Variants in COL26A1 observed in about 807,000 individuals in gnomAD.
COL26A1 encodes collagen type XXVI alpha 1 chain.
In COL26A1, 41 loss-of-function variants were observed where a neutral mutation model predicts 59.3. The observed-to-expected ratio is 0.69, with a 90% CI of 0.54 to 0.90. The LOEUF (loss-of-function observed/expected upper bound fraction) is 0.90, where lower values mean the gene tolerates loss of function less well. Ranked by LOEUF, COL26A1 falls within the 40% of genes least tolerant of loss-of-function variation. The probability of loss-of-function intolerance (pLI) is 0.00; values close to 1 mark genes in which losing one functional copy is unlikely to be tolerated. For synonymous variants in COL26A1, 266 were observed against 256.0 expected (o/e 1.04, Z -0.37); for missense variants, 612 against 602.3 (o/e 1.02, Z -0.17).
intron 3 of COL26A1, among the ~76,000 whole-genome samples, chr7:101,473,444 G>A (rs1337074516): frequency 2.0e-5 from 3 of 150,874 alleles, no homozygotes; most frequent in Admixed American, 6.7e-5. Flanking sequence ...AAACACTGGG[G>A]CTTGGCACCA....
intron 3 of COL26A1, among the ~76,000 whole-genome samples, chr7:101,511,835 C>T (rs961752808): frequency 6.6e-6 from 1 of 151,770 alleles, no homozygotes; most frequent in African/African-American, 2.4e-5. Flanking sequence ...TCTACAAAAC[C>T]CCCCAAAATT....
chr7:101,543,749 C>T (rs545689931), intron 5 of COL26A1, among the ~76,000 whole-genome samples: 1 of 152,228 alleles, frequency 6.6e-6, no homozygotes. Context: ...TCCTGAGCCT[C>T]AGTTTCCCCA....
chr7:101,386,186 T>G (rs1173783286), intron 1 of COL26A1, among the ~76,000 whole-genome samples: 1 of 151,230 alleles, frequency 6.6e-6, no homozygotes, highest in Non-Finnish European at 1.5e-5. Flanking sequence ...TTGGCCAGAC[T>G]GCATTCTGAA....
chr7:101,456,399 G>C (rs1793473516), intron 3 of COL26A1, among the ~76,000 whole-genome samples: 1 of 151,952 alleles, frequency 6.6e-6, no homozygotes, highest in South Asian at 2.1e-4. Context: ...TTCTGTCTGG[G>C]CGCGGTGTCT....
In COL26A1 at chr7:101,519,054, A is replaced by G. The variant is rs142000718; in HGVS notation, c.386-14028A>G. On this transcript the variant is annotated intron_variant, in intron 3 of 12. Coordinates refer to ENST00000313669, the MANE Select transcript of COL26A1 (RefSeq NM_001278563.3). ...GGTCTATGGAACAGTGTTGCTGATA[A>G]ATTAATATATTAATTTAATCAAACA... 2.5e-3 allele frequency among the ~76,000 whole-genome samples: 384 copies of G among 152,286 alleles called. 1 individual carries two copies. The highest frequency in any genetic ancestry group is 4.8e-3 in the East Asian group (25 of 5,170).
chr7:101,531,504 G>A (rs540943221), intron 3 of COL26A1, among the ~76,000 whole-genome samples: 9 of 152,308 alleles, frequency 5.9e-5, no homozygotes, highest in South Asian at 2.1e-4. Context: ...AAGGTTTTAT[G>A]GAGGAGAAAG....
At chr7:101,496,678 G>A (rs1329381202) in intron 3 of COL26A1, among the ~76,000 whole-genome samples, 1 of 152,126 alleles carries the variant, frequency 6.6e-6, no homozygotes, top group Admixed American at 6.6e-5. Context: ...TTGAGCCCTG[G>A]AGTTTGACAC....
At chr7:101,453,640 G>C (rs1195342400) in intron 3 of COL26A1, among the ~76,000 whole-genome samples, 1 of 152,220 alleles carries the variant, frequency 6.6e-6, no homozygotes, top group Non-Finnish European at 1.5e-5. Flanking sequence ...CTGTGTGCCT[G>C]AGGGTCCTGG....
At position 101,547,162 on chromosome 7, in the gene COL26A1, A is replaced by G. The variant is rs761385666; in HGVS notation, c.863A>G (p.Asp288Gly). The G allele has an allele frequency of 6.3e-7, 1 of 1,593,606 alleles. No individual in the cohort carries two copies. Among genetic ancestry groups the G allele is most frequent in the African/African-American group, 1.3e-5 (1 of 74,192 alleles). Reference sequence around the variant, plus strand: ...CGCTCCGCTCTTCCCACAGATGGAGACTCAAGGCTGGCCTCTGCCATCGTG... The same window carrying G: ...CGCTCCGCTCTTCCCACAGATGGAGGCTCAAGGCTGGCCTCTGCCATCGTG... ...LQPPTDKDNGDSRLASAIVDT... is the reference protein window; with the variant it reads ...LQPPTDKDNGGSRLASAIVDT... The change falls in exon 8 of 13, where the codon GAC becomes GGC. Residue 288 changes from aspartate to glycine, a missense_variant. Coordinates refer to ENST00000313669, the MANE Select transcript of COL26A1 (RefSeq NM_001278563.3).
intron 3 of COL26A1, among the ~76,000 whole-genome samples, chr7:101,485,316 C>G (rs1274197395): frequency 6.6e-6 from 1 of 152,200 alleles, no homozygotes; most frequent in African/African-American, 2.4e-5. Flanking sequence ...TTCCAGCTCA[C>G]CTGCGTGAGG....
chr7:101,492,106 C>G (rs1794473168), intron 3 of COL26A1, among the ~76,000 whole-genome samples: 2 of 152,100 alleles, frequency 1.3e-5, no homozygotes, highest in Admixed American at 1.3e-4. Context: ...CCAGAGGAAG[C>G]CGCTGGTAAG....
chr7:101,454,682 C>T (rs566055922), intron 3 of COL26A1, among the ~76,000 whole-genome samples: 2 of 152,224 alleles, frequency 1.3e-5, no homozygotes, highest in Admixed American at 6.5e-5. Flanking sequence ...TATCCCTAAG[C>T]GCAAAGAAGC....
intron 3 of COL26A1, among the ~76,000 whole-genome samples, chr7:101,463,863 T>G (rs1226494898): frequency 7.9e-6 from 1 of 126,752 alleles, no homozygotes; most frequent in Non-Finnish European, 1.6e-5. Flanking sequence ...TTTTTTCTCT[T>G]TTTTCTTTTC....
At chr7:101,362,539 G>A (rs1233609808), upstream of COL26A1, among the ~76,000 whole-genome samples, 1 of 152,210 alleles carries the variant, frequency 6.6e-6, no homozygotes, top group Non-Finnish European at 1.5e-5. Context: ...TTCCACTTCT[G>A]AATGGGACCA....
In COL26A1 at chr7:101,489,660, TC is replaced by T. The variant is rs1794352214; in HGVS notation, c.385+41874del. 6.2e-5 allele frequency among the ~76,000 whole-genome samples: 3 copies of T among 48,630 alleles called. 1 individual carries two copies. Among genetic ancestry groups the T allele is most frequent in the African/African-American group, 3.5e-4 (2 of 5,752 alleles). The allele number at this position is 48,630 out of a possible 152,430, so 31.9% of individuals were successfully genotyped here. On this transcript the variant is annotated intron_variant, in intron 3 of 12. Transcript: ENST00000313669. ...TTCTTTCTTTCTTTCTTTCTTTCTT[TC>T]TTCCTTCCTTCCTTCCTTCCTTTCT...
rs1387032420 is a variant in COL26A1 at position 101,400,351 on chromosome 7, C to CTTTTTTTTTTTTTTTTTTT, written c.159-19625_159-19624insTTTTTTTTTTTTTTTTTTT. Among the ~76,000 whole-genome samples, 6 of 123,352 alleles carry CTTTTTTTTTTTTTTTTTTT rather than the reference C, an allele frequency of 4.9e-5. 2 individuals carry two copies. Among genetic ancestry groups the CTTTTTTTTTTTTTTTTTTT allele is most frequent in the Non-Finnish European group, 8.5e-5 (5 of 59,072 alleles). The allele number at this position is 123,352 out of a possible 152,430, so 80.9% of individuals were successfully genotyped here. ...GTCCACACTGCCTTTCTTTTTTTTC[C>CTTTTTTTTTTTTTTTTTTT]TATTTTTTTTTTTTTTTTTTTTTTT... On this transcript the variant is annotated intron_variant, in intron 1 of 12. Transcript: ENST00000313669.
At chr7:101,478,729 C>G (rs776207941) in intron 3 of COL26A1, among the ~76,000 whole-genome samples, 3 of 152,104 alleles carry the variant, frequency 2.0e-5, no homozygotes, top group Non-Finnish European at 4.4e-5. Flanking sequence ...TGCGTTTTCT[C>G]TTTTTCAAAA....
At chr7:101,380,199 C>T (rs1791414272) in intron 1 of COL26A1, among the ~76,000 whole-genome samples, 1 of 151,888 alleles carries the variant, frequency 6.6e-6, no homozygotes, top group Non-Finnish European at 1.5e-5. Context: ...ACTATATTGG[C>T]CAGGCTGGTC....
chr7:101,556,505 G>A (rs936009024), intron 12 of COL26A1, among the ~76,000 whole-genome samples: 1 of 152,182 alleles, frequency 6.6e-6, no homozygotes, highest in African/African-American at 2.4e-5. Context: ...ATGAATGAAT[G>A]AATTGTTGAA....
Sources: gnomAD v4.1 joint callset for allele counts (sites outside exome capture counted in the v4.1 genomes callset) on GRCh38, gnomAD v4.1.1 for gene constraint, MANE v1.5 for transcripts, NCBI Gene and HGNC (gene_info 2026-07-23, HGNC 2026-07-21) for gene names.